The following PRKN variants were observed in gnomAD, a reference collection of about 807,000 sequenced individuals.
PRKN encodes the protein parkin RBR E3 ubiquitin protein ligase.
In PRKN, 56 loss-of-function variants were observed where a neutral mutation model predicts 59.5. That is an observed-to-expected ratio of 0.94 (90% CI 0.76 to 1.18). PRKN has a LOEUF of 1.18. Ranked by LOEUF, PRKN falls within the 50% of genes most tolerant of loss-of-function variation. The probability of loss-of-function intolerance (pLI) is 0.00; values close to 1 mark genes in which losing one functional copy is unlikely to be tolerated. For missense variants in PRKN, 657 were observed against 596.4 expected, an observed-to-expected ratio of 1.10 and a Z score of -1.06; for synonymous variants, 250 against 222.1, an observed-to-expected ratio of 1.13 and a Z score of -1.12.
chr6:162,199,866 C>T (rs534317203), intron 4 of PRKN, among the ~76,000 whole-genome samples: 1 of 152,122 alleles, frequency 6.6e-6, no homozygotes, highest in East Asian at 1.9e-4. Context: ...TTTCACAGGC[C>T]CCGTAACACC....
chr6:162,294,352 G>C (rs1478893058), intron 2 of PRKN, among the ~76,000 whole-genome samples: 1 of 150,462 alleles, frequency 6.6e-6, no homozygotes, highest in Non-Finnish European at 1.5e-5. Context: ...AGAGAGAGGA[G>C]AGAGACAGAG....
At chr6:162,375,869 G>A (rs754602585) in intron 2 of PRKN, among the ~76,000 whole-genome samples, 5 of 151,846 alleles carry the variant, frequency 3.3e-5, no homozygotes, top group South Asian at 2.1e-4. Context: ...AATTTTGGGT[G>A]GACATGGACC....
At chr6:162,380,416 C>T (rs1023810215) in intron 2 of PRKN, among the ~76,000 whole-genome samples, 35 of 132,616 alleles carry the variant, frequency 2.6e-4, no homozygotes, top group Non-Finnish European at 4.1e-4. Flanking sequence ...TATATATACA[C>T]ACATATATAT....
Position 161,497,935 on chromosome 6 carries a change from T to G in PRKN, c.1083+50919A>C, listed in dbSNP as rs571813423. ...AATACTTTAATATATTTAGTTCAAATTGCATGATGGTAATTATGCTTCTAA... is the reference window on the plus strand; with the variant it reads ...AATACTTTAATATATTTAGTTCAAAGTGCATGATGGTAATTATGCTTCTAA... On this transcript the variant is annotated intron_variant, in intron 9 of 11. Coordinates refer to ENST00000366898, the MANE Select transcript of PRKN (RefSeq NM_004562.3). This position sits in a 1 kb window ranked among gnomAD's most constrained non-coding sequence, Gnocchi z 4.6. 7.9e-5 allele frequency among the ~76,000 whole-genome samples: 12 copies of G among 152,334 alleles called. No individual in the cohort carries two copies. The highest frequency in any genetic ancestry group is 2.4e-4 in the African/African-American group (10 of 41,576).
intron 4 of PRKN, among the ~76,000 whole-genome samples, chr6:162,188,640 T>C (rs866044588): frequency 6.6e-6 from 1 of 152,170 alleles, no homozygotes; most frequent in South Asian, 2.1e-4. Flanking sequence ...AGAAAACTTC[T>C]TTGAGGCAGG....
intron 4 of PRKN, among the ~76,000 whole-genome samples, chr6:162,168,232 A>G (rs1005329293): frequency 6.6e-6 from 1 of 152,088 alleles, no homozygotes; most frequent in Non-Finnish European, 1.5e-5. Context: ...TGCATAAACC[A>G]CTAAGTTTTT....
chr6:162,189,152 G>C (rs536680794), intron 4 of PRKN, among the ~76,000 whole-genome samples: 125 of 151,770 alleles, frequency 8.2e-4, no homozygotes, highest in African/African-American at 2.9e-3. Context: ...GGAGGGAATT[G>C]AGATTAGATG....
chr6:162,116,345 C>T (rs1428547345), intron 4 of PRKN, among the ~76,000 whole-genome samples: 1 of 152,146 alleles, frequency 6.6e-6, no homozygotes, highest in Non-Finnish European at 1.5e-5. Flanking sequence ...TTGAGTGTCC[C>T]ACTGGCTTAG....
Position 162,202,469 on chromosome 6 carries a change from A to G in PRKN, c.413-1217T>C, listed in dbSNP as rs546814300. Among the ~76,000 whole-genome samples, 12 of 152,308 alleles carry G rather than the reference A, an allele frequency of 7.9e-5. No homozygotes were observed. In the East Asian group the frequency reaches 2.1e-3, roughly 27 times the overall value. On this transcript the variant is annotated intron_variant, in intron 3 of 11. Coordinates refer to ENST00000366898, the MANE Select transcript of PRKN (RefSeq NM_004562.3). ...CATGGTTTTATCATTTGTTTGCAAT[A>G]TATTTTATAATTATTACTCTATAAA... is the stretch of plus-strand genomic sequence containing the variant.
chr6:162,308,739 C>G (rs546818179), intron 2 of PRKN, among the ~76,000 whole-genome samples: 46 of 152,232 alleles, frequency 3.0e-4, no homozygotes, highest in African/African-American at 1.1e-3. Flanking sequence ...CTGTAAACAG[C>G]CAAGCCCCAT....
intron 10 of PRKN, among the ~76,000 whole-genome samples, chr6:161,366,700 A>G (rs1356711653): frequency 6.6e-6 from 1 of 152,164 alleles, no homozygotes; most frequent in Non-Finnish European, 1.5e-5. Flanking sequence ...GCCATGCTTC[A>G]GCCACTCATA....
intron 2 of PRKN, among the ~76,000 whole-genome samples, chr6:162,326,850 C>A (rs1783308625): frequency 6.6e-6 from 1 of 152,130 alleles, no homozygotes; most frequent in South Asian, 2.1e-4. Context: ...AAAACAACAA[C>A]TGACAATGAA....
At chr6:162,384,647 T>TAAAA (rs774251208) in intron 2 of PRKN, among the ~76,000 whole-genome samples, 8 of 93,396 alleles carry the variant, frequency 8.6e-5, no homozygotes, top group African/African-American at 1.6e-4. Flanking sequence ...CTTCAATTTG[T>TAAAA]AAAAAAAAAA....
rs1198137320 is a variant in PRKN at position 161,546,620 on chromosome 6, A to C, written c.1083+2234T>G. On this transcript the variant is annotated intron_variant, in intron 9 of 11. Coordinates refer to ENST00000366898, the MANE Select transcript of PRKN (RefSeq NM_004562.3). The surrounding 1 kb of genome is among the most constrained non-coding windows in gnomAD (Gnocchi z 4.4). ...TCTTTTTTCAGCTTCTTCAAATTGC[A>C]AACTGTGGTGGTTTAAAATACGTTC... Among the ~76,000 whole-genome samples, 3 of 152,106 alleles carry C rather than the reference A, an allele frequency of 2.0e-5. No homozygotes were observed. The highest frequency in any genetic ancestry group is 4.8e-5 in the African/African-American group (2 of 41,414).
intron 9 of PRKN, among the ~76,000 whole-genome samples, chr6:161,420,801 C>T (rs569179120): frequency 1.3e-5 from 2 of 152,240 alleles, no homozygotes; most frequent in African/African-American, 4.8e-5. Flanking sequence ...AATTAAGATC[C>T]TGATTTTACA....
At chr6:162,199,414 C>A (rs1784629036) in intron 4 of PRKN, among the ~76,000 whole-genome samples, 1 of 152,134 alleles carries the variant, frequency 6.6e-6, no homozygotes, top group Non-Finnish European at 1.5e-5. Context: ...ATAATTAAAC[C>A]AGATAATGCC....
intron 2 of PRKN, among the ~76,000 whole-genome samples, chr6:162,310,351 C>G (rs909473225): frequency 7.9e-5 from 12 of 152,246 alleles, no homozygotes; most frequent in Admixed American, 6.5e-4. Flanking sequence ...CCCACCATAG[C>G]CAGAGGGCCG....
In PRKN at chr6:161,353,950, G is replaced by C. The variant is rs995175521; in HGVS notation, c.1286-3739C>G. 6.6e-6 allele frequency among the ~76,000 whole-genome samples: 1 copy of C among 152,196 alleles called. No homozygotes were observed. Among genetic ancestry groups the C allele is most frequent in the East Asian group, 1.9e-4 (1 of 5,194 alleles). On this transcript the variant is annotated intron_variant, in intron 11 of 11. Transcript: ENST00000366898. This position sits in a 1 kb window ranked among gnomAD's most constrained non-coding sequence, Gnocchi z 4.8. ...GCACATTCCGTCACAGAAGTCTTCT[G>C]TGCTGACTGTTGTTATTGAATGAGA...
intron 7 of PRKN, among the ~76,000 whole-genome samples, chr6:161,609,554 T>C (rs980636436): frequency 6.6e-6 from 1 of 152,200 alleles, no homozygotes; most frequent in Admixed American, 6.5e-5. Context: ...TGATGAAATA[T>C]TGAAATTAAA....
Sources: gnomAD v4.1 joint callset for allele counts (sites outside exome capture counted in the v4.1 genomes callset) on GRCh38, gnomAD v4.1.1 for gene constraint, Gnocchi (gnomAD v3.1) non-coding constraint, MANE v1.5 for transcripts, NCBI Gene and HGNC (gene_info 2026-07-23, HGNC 2026-07-21) for gene names.